The following TPP2 variants were observed in gnomAD, a reference collection of about 807,000 sequenced individuals.
The protein encoded by TPP2 is tripeptidyl-peptidase 2.
TPP2 carries 34 observed loss-of-function variants against 155.9 expected under a neutral mutation model. The observed-to-expected ratio is 0.22, with a 90% confidence interval of 0.17 to 0.29. TPP2 has a LOEUF of 0.29. Ranked by LOEUF, TPP2 falls within the 10% of genes least tolerant of loss-of-function variation. The probability of loss-of-function intolerance (pLI) is 1.00; values close to 1 mark genes in which losing one functional copy is unlikely to be tolerated. For missense variants in TPP2, 1,028 were observed against 1,522.3 expected (o/e 0.68, Z 5.40); for synonymous variants, 510 against 529.4 (o/e 0.96, Z 0.50).
intron 19 of TPP2, among the ~76,000 whole-genome samples, 195 bp from the exon 20 acceptor site, chr13:102,646,099 T>A (rs944905523): frequency 6.6e-6 from 1 of 152,262 alleles, no homozygotes; most frequent in African/African-American, 2.4e-5. Flanking sequence ...CTAAACTGTA[T>A]GTATTGATAT....
At chr13:102,670,521 T>C (rs962079063) in intron 27 of TPP2, among the ~76,000 whole-genome samples, 3 of 152,198 alleles carry the variant, frequency 2.0e-5, no homozygotes, top group African/African-American at 7.2e-5. Flanking sequence ...ATTAATCCTG[T>C]TGGGGAATGC....
chr13:102,670,454 C>T (rs1395676105), intron 27 of TPP2, among the ~76,000 whole-genome samples: 1 of 152,056 alleles, frequency 6.6e-6, no homozygotes, highest in African/African-American at 2.4e-5. Flanking sequence ...AGTTTTAGTT[C>T]TGGTATGTGA....
chr13:102,618,704 A>T lies in TPP2; in HGVS notation c.496-18A>T. 6.2e-7 allele frequency: 1 copy of T among 1,612,354 alleles called. No homozygotes were observed. Among genetic ancestry groups the T allele is most frequent in the South Asian group, 1.1e-5 (1 of 90,838 alleles). On this transcript the variant is annotated intron_variant, in intron 4 of 29. Transcript: ENST00000376052. ...AGGACAGAATGTACTAATGTTAATC[A>T]GTTTTCCAACTGACTAGGCAAATAA... is the stretch of plus-strand genomic sequence containing the variant.
At chr13:102,623,188 T>A (rs914717522) in intron 6 of TPP2, 148 bp downstream of exon 6, 28 of 865,164 alleles carry the variant, frequency 3.2e-5, no homozygotes, top group Middle Eastern at 3.0e-4. Context: ...GTGATTTGAT[T>A]TACCTGCAAG....
intron 2 of TPP2, among the ~76,000 whole-genome samples, chr13:102,613,217 G>A (rs999090741): frequency 2.0e-5 from 3 of 152,176 alleles, no homozygotes; most frequent in African/African-American, 7.2e-5. Flanking sequence ...GCTCCTTGAA[G>A]CTCTGTGAAT....
rs541915914 is a variant in TPP2 at position 102,623,932 on chromosome 13, T to C, written c.784+892T>C. Among the ~76,000 whole-genome samples the C allele has an allele frequency of 5.9e-5, 9 of 152,328 alleles. No individual in the cohort carries two copies. The South Asian group carries it at 1.9e-3, about 32-fold the overall frequency. ...ATGACTTCTAATACCTTATAGTATG[T>C]AAGTGCTATATAAATAGTTGTTATA... On this transcript the variant is annotated intron_variant, in intron 6 of 29. Transcript: ENST00000376052.
chr13:102,624,194 G>A (rs1341031847), intron 6 of TPP2, among the ~76,000 whole-genome samples: 1 of 152,052 alleles, frequency 6.6e-6, no homozygotes, highest in Non-Finnish European at 1.5e-5. Flanking sequence ...TGTTTATATC[G>A]TGAAAATGTT....
intron 29 of TPP2, among the ~76,000 whole-genome samples, chr13:102,677,578 A>C (rs939869050): frequency 6.6e-6 from 1 of 152,180 alleles, no homozygotes; most frequent in Non-Finnish European, 1.5e-5. Context: ...TAGCACAAAC[A>C]GCCACACCTT....
In TPP2 at chr13:102,647,464, T is replaced by G. The variant is rs1189026151; in HGVS notation, c.2628+120T>G. On this transcript the variant is annotated intron_variant, in intron 21 of 29. Coordinates refer to ENST00000376052, the MANE Select transcript of TPP2 (RefSeq NM_001330588.2). ...AAAAAACAAAAATTATAGCTTTGTGTTTAGTACTTTTGCAAACTGTGAGAG... is the reference window on the plus strand; with the variant it reads ...AAAAAACAAAAATTATAGCTTTGTGGTTAGTACTTTTGCAAACTGTGAGAG... 5.4e-6 allele frequency: 7 copies of G among 1,297,966 alleles called. No individual in the cohort carries two copies. The African/African-American group carries it at 1.1e-4, about 20-fold the overall frequency. The allele number at this position is 1,297,966 out of a possible 1,614,324, so 80.4% of individuals were successfully genotyped here. A position where few individuals can be genotyped will look rare whatever the true frequency, so the allele number is the denominator to read the frequency against.
chr13:102,660,940 GA>G (rs1232510160), intron 25 of TPP2, among the ~76,000 whole-genome samples: 1 of 152,154 alleles, frequency 6.6e-6, no homozygotes, highest in Non-Finnish European at 1.5e-5. Context: ...TAGCCATATA[GA>G]AAAAGAATGA....
intron 24 of TPP2, among the ~76,000 whole-genome samples, chr13:102,653,464 C>T (rs995255814): frequency 1.3e-5 from 2 of 152,162 alleles, no homozygotes; most frequent in Admixed American, 1.3e-4. Flanking sequence ...ATGATCGTAG[C>T]TCACTGTTGC....
At chr13:102,657,838 TATA>T (rs1883959925) in intron 25 of TPP2, among the ~76,000 whole-genome samples, 1 of 152,160 alleles carries the variant, frequency 6.6e-6, no homozygotes, top group Non-Finnish European at 1.5e-5. Context: ...CTGAGATGAG[TATA>T]ATAATTTACA....
chr13:102,677,374 C>CG (rs199710461), intron 29 of TPP2, among the ~76,000 whole-genome samples: 1 of 152,070 alleles, frequency 6.6e-6, no homozygotes, highest in East Asian at 1.9e-4. Context: ...CCACTCTGCC[C>CG]CCCCCGCTGC....
chr13:102,655,382 T>G (rs1318267912), intron 24 of TPP2, among the ~76,000 whole-genome samples: 1 of 152,192 alleles, frequency 6.6e-6, no homozygotes, highest in Non-Finnish European at 1.5e-5. Flanking sequence ...TGTTTCAGTT[T>G]TACAAACTTT....
At chr13:102,675,260 G>A (rs1297332736) in intron 28 of TPP2, among the ~76,000 whole-genome samples, 1 of 152,182 alleles carries the variant, frequency 6.6e-6, no homozygotes, top group African/African-American at 2.4e-5. Flanking sequence ...ACACAGTACA[G>A]TGGTGCATTT....
At chr13:102,605,173 A>G (rs2139414019) in intron 2 of TPP2, among the ~76,000 whole-genome samples, 1 of 152,204 alleles carries the variant, frequency 6.6e-6, no homozygotes, top group East Asian at 1.9e-4. Flanking sequence ...CTGTGACTTC[A>G]GCTGAAGGCT....
chr13:102,617,394 C>T (rs1239512943), intron 4 of TPP2, among the ~76,000 whole-genome samples: 2 of 152,110 alleles, frequency 1.3e-5, no homozygotes, highest in South Asian at 2.1e-4. Context: ...CTCTAAGTCA[C>T]CTGAATTATT....
At chr13:102,664,954 C>A in intron 27 of TPP2, 29 bp downstream of exon 27, 1 of 1,606,118 alleles carries the variant, frequency 6.2e-7, no homozygotes, top group Non-Finnish European at 8.5e-7. Flanking sequence ...ATCTTTCTTG[C>A]ATCTCATTTC....
At chr13:102,668,015 T>A (rs1290531470) in intron 27 of TPP2, 1 of 165,296 alleles carries the variant, frequency 6.0e-6, no homozygotes, top group Non-Finnish European at 1.3e-5. Context: ...GCAAACACAA[T>A]TTGTGGGTAA....
Sources: allele counts gnomAD v4.1 joint callset (sites outside exome capture counted in the v4.1 genomes callset), GRCh38; gene constraint gnomAD v4.1.1; transcripts MANE v1.5; gene names NCBI Gene and HGNC (gene_info 2026-07-23, HGNC 2026-07-21).